CALM3: variants seen among roughly 807,000 people sequenced by gnomAD.
The protein encoded by CALM3 is calmodulin-3.
A neutral mutation model predicts 20.1 loss-of-function variants in CALM3; 5 were observed. That is an observed-to-expected ratio of 0.25 (90% CI 0.13 to 0.52). The LOEUF (loss-of-function observed/expected upper bound fraction) is 0.52, where lower values mean the gene tolerates loss of function less well. CALM3 is among the 20% of genes least tolerant of loss of function. CALM3 has a pLI of 0.96. For synonymous variants in CALM3, 69 were observed against 68.1 expected, an observed-to-expected ratio of 1.01 and a Z score of -0.06; for missense variants, 57 against 192.8, an observed-to-expected ratio of 0.30 and a Z score of 4.17.
At chr19:46,607,162 G>A (rs1349939413) in intron 2 of CALM3, among the ~76,000 whole-genome samples, 1 of 152,066 alleles carries the variant, frequency 6.6e-6, no homozygotes, top group African/African-American at 2.4e-5. Context: ...AGAACAACAA[G>A]GCCTCAGCAC....
chr19:46,601,411 GCTCCGGACACCCCGGGC>G lies in CALM3; in HGVS notation c.-20_-4del. ...CCGCCGGAGGAACCTTGATCCCCGTGCTCCGGACACCCCGGGCCTCGCCATGGTGAGTGAGGCTGGGG... is the reference window on the plus strand; with the variant it reads ...CCGCCGGAGGAACCTTGATCCCCGTGCTCGCCATGGTGAGTGAGGCTGGGG... On this transcript the variant is annotated 5_prime_UTR_variant, in exon 1 of 6. Coordinates refer to ENST00000291295, the MANE Select transcript of CALM3 (RefSeq NM_005184.4). This position sits in a 1 kb window ranked among gnomAD's most constrained non-coding sequence, Gnocchi z 4.2. The G allele has an allele frequency of 6.0e-6, 9 of 1,508,894 alleles. No individual in the cohort carries two copies. Among genetic ancestry groups the G allele is most frequent in the Non-Finnish European group, 8.0e-6 (9 of 1,131,364 alleles). 93.5% of individuals were successfully genotyped at this position (1,508,894 alleles called of 1,614,324 possible).
chr19:46,603,753 G>A (rs768636082), intron 1 of CALM3, among the ~76,000 whole-genome samples: 1 of 152,200 alleles, frequency 6.6e-6, no homozygotes, highest in Non-Finnish European at 1.5e-5. Context: ...CCTTGACCAA[G>A]CAGGGAAGTG....
intron 1 of CALM3, chr19:46,602,190 T>C (rs779856674): frequency 3.7e-6 from 5 of 1,354,366 alleles, no homozygotes; most frequent in African/African-American, 1.5e-5. Context: ...ATCAGGGTCG[T>C]GGAGGTGGTG....
intron 1 of CALM3, among the ~76,000 whole-genome samples, chr19:46,603,010 C>G (rs969852838): frequency 2.0e-5 from 3 of 152,208 alleles, no homozygotes; most frequent in Non-Finnish European, 4.4e-5. Context: ...ATTCAGGGCC[C>G]TCGCTGAGCG....
Position 46,601,439 on chromosome 19 carries a change from T to C in CALM3, c.3+2T>C. On this transcript the variant is annotated splice_donor_variant, in intron 1 of 5. Transcript: ENST00000291295. LOFTEE classifies it high-confidence loss of function. The surrounding 1 kb of genome is among the most constrained non-coding windows in gnomAD (Gnocchi z 4.2). ...CCGGACACCCCGGGCCTCGCCATGG[T>C]GAGTGAGGCTGGGGGGTCGCCGAGG... 6.7e-7 allele frequency: 1 copy of C among 1,499,474 alleles called. No homozygotes were observed. The highest frequency in any genetic ancestry group is 8.9e-7 in the Non-Finnish European group (1 of 1,125,156). 92.9% of individuals were successfully genotyped at this position (1,499,474 alleles called of 1,614,324 possible).
intron 1 of CALM3, among the ~76,000 whole-genome samples, chr19:46,603,530 C>A (rs1469917552): frequency 6.6e-6 from 1 of 152,204 alleles, no homozygotes; most frequent in African/African-American, 2.4e-5. Flanking sequence ...TTCCCTCCCC[C>A]ACCTCATGGT....
At chr19:46,606,115 G>T in intron 2 of CALM3, 1 of 445,054 alleles carries the variant, frequency 2.2e-6, no homozygotes, top group Non-Finnish European at 4.1e-6. Context: ...GGGTCATCTA[G>T]GGGCTTGATA....
At chr19:46,609,015 G>T in intron 5 of CALM3, 34 bp downstream of exon 5, 2 of 1,606,876 alleles carry the variant, frequency 1.2e-6, no homozygotes, top group Non-Finnish European at 1.7e-6. Flanking sequence ...TCTGGAACAA[G>T]AAGAGAATCG....
chr19:46,604,177 A>G (rs567512757), intron 1 of CALM3, among the ~76,000 whole-genome samples: 4 of 152,216 alleles, frequency 2.6e-5, no homozygotes, highest in Admixed American at 1.3e-4. Flanking sequence ...CTCGGTAACC[A>G]GAAGCCCATC....
chr19:46,602,406 TGG>T (rs887810667), intron 1 of CALM3, among the ~76,000 whole-genome samples: 2 of 129,790 alleles, frequency 1.5e-5, no homozygotes, highest in African/African-American at 2.9e-5. Context: ...GGGGAGGACT[TGG>T]GCTTGGGTGG....
At chr19:46,604,188 C>G (rs1433447764) in intron 1 of CALM3, among the ~76,000 whole-genome samples, 1 of 152,186 alleles carries the variant, frequency 6.6e-6, no homozygotes, top group East Asian at 1.9e-4. Flanking sequence ...GAAGCCCATC[C>G]TCCCTTCTCA....
chr19:46,603,395 T>C (rs1971675632), intron 1 of CALM3, among the ~76,000 whole-genome samples: 1 of 152,248 alleles, frequency 6.6e-6, no homozygotes, highest in South Asian at 2.1e-4. Flanking sequence ...CCTTGGACTT[T>C]GGCCTGAGCT....
At position 46,605,521 on chromosome 19, in the gene CALM3, C is replaced by A. The variant is rs898459056; in HGVS notation, c.4-306C>A. 3.9e-5 allele frequency among the ~76,000 whole-genome samples: 6 copies of A among 152,254 alleles called. No individual in the cohort carries two copies. The highest frequency in any genetic ancestry group is 1.4e-4 in the African/African-American group (6 of 41,474). On this transcript the variant is annotated intron_variant, in intron 1 of 5. Coordinates refer to ENST00000291295, the MANE Select transcript of CALM3 (RefSeq NM_005184.4). The surrounding 1 kb of genome is among the most constrained non-coding windows in gnomAD (Gnocchi z 4.1). The stretch of plus-strand genomic sequence containing the variant: ...TTTGGGGCTGGGGCAGGCTTTTCTC[C>A]CGCCCCTGTGGCTCCCACATGCTGA...
rs907676088 is a variant in CALM3, at chr19:46,605,668, G to C, written c.4-159G>C. 6.6e-6 allele frequency among the ~76,000 whole-genome samples: 1 copy of C among 152,232 alleles called. No homozygotes were observed. The highest frequency in any genetic ancestry group is 2.4e-5 in the African/African-American group (1 of 41,458). On this transcript the variant is annotated intron_variant, in intron 1 of 5. Transcript: ENST00000291295. This position sits in a 1 kb window ranked among gnomAD's most constrained non-coding sequence, Gnocchi z 4.1. ...TCACCAGACTTTATCATCAGGCGCT[G>C]GCTCTGCCTCAGACCCTGACTCTGG...
At chr19:46,607,177 A>C (rs554397910) in intron 2 of CALM3, among the ~76,000 whole-genome samples, 13 of 152,170 alleles carry the variant, frequency 8.5e-5, no homozygotes, top group East Asian at 3.9e-4. Context: ...CAGCACAGGG[A>C]GGTGCCAGCC....
Position 46,605,994 on chromosome 19 carries a change from A to G in CALM3, c.34+137A>G. 4.0e-6 allele frequency: 3 copies of G among 742,442 alleles called. No individual in the cohort carries two copies. The highest frequency in any genetic ancestry group is 7.0e-6 in the Non-Finnish European group (3 of 428,852). 46.0% of individuals were successfully genotyped at this position (742,442 alleles called of 1,614,324 possible). ...ACCTAACACTATGCCTTGTGCCTAGAATGCTGATAAATGTGTGTAAGAGCA... is the reference window on the plus strand; with the variant it reads ...ACCTAACACTATGCCTTGTGCCTAGGATGCTGATAAATGTGTGTAAGAGCA... On this transcript the variant is annotated intron_variant, in intron 2 of 5. Transcript: ENST00000291295. The surrounding 1 kb of genome is among the most constrained non-coding windows in gnomAD (Gnocchi z 4.1).
chr19:46,608,249 C>A lies in CALM3; in HGVS notation c.87C>A (p.Thr29=), dbSNP rs1354718716. The change falls in exon 3 of 6, where the codon ACC becomes ACA. Residue 29 remains threonine, a synonymous_variant. Coordinates refer to ENST00000291295, the MANE Select transcript of CALM3 (RefSeq NM_005184.4). The surrounding 1 kb of genome is among the most constrained non-coding windows in gnomAD (Gnocchi z 5.5). Reference sequence around the variant, plus strand: ...ACAAGGATGGAGATGGCACTATCACCACCAAGGAGTTGGGGACAGTGATGA... The same window carrying A: ...ACAAGGATGGAGATGGCACTATCACAACCAAGGAGTTGGGGACAGTGATGA... ...LFDKDGDGTI[T]TKELGTVMRS... is the part of the protein sequence containing the mutation. The A allele has an allele frequency of 6.2e-7, 1 of 1,613,998 alleles. No individual in the cohort carries two copies. The highest frequency in any genetic ancestry group is 1.7e-5 in the Admixed American group (1 of 60,000).
intron 1 of CALM3, among the ~76,000 whole-genome samples, chr19:46,604,164 G>C (rs1413103262): frequency 6.6e-6 from 1 of 152,110 alleles, no homozygotes; most frequent in Non-Finnish European, 1.5e-5. Flanking sequence ...GGCATTGCCT[G>C]GTCTCGGTAA....
In CALM3 at chr19:46,605,091, TGCTGCTGCCC is replaced by T. The variant is rs1466342204; in HGVS notation, c.4-730_4-721del. 2 of 152,392 alleles carry T rather than the reference TGCTGCTGCCC, an allele frequency of 1.3e-5. No individual in the cohort carries two copies. Among genetic ancestry groups the T allele is most frequent in the Non-Finnish European group, 1.5e-5 (1 of 68,156 alleles). The allele number at this position is 152,392 out of a possible 1,614,324, so 9.4% of individuals were successfully genotyped here. On this transcript the variant is annotated intron_variant, in intron 1 of 5. Coordinates refer to ENST00000291295, the MANE Select transcript of CALM3 (RefSeq NM_005184.4). The surrounding 1 kb of genome is among the most constrained non-coding windows in gnomAD (Gnocchi z 4.1). The stretch of plus-strand genomic sequence containing the variant: ...GCAGTGCAAGCCAGCTTCAGTCCTC[TGCTGCTGCCC>T]GCTGCAGCCCTCTCCCTGACGTTTG...
Sources: allele counts gnomAD v4.1 joint callset (sites outside exome capture counted in the v4.1 genomes callset), GRCh38; gene constraint gnomAD v4.1.1; non-coding constraint Gnocchi (gnomAD v3.1); transcripts MANE v1.5; gene names NCBI Gene and HGNC (gene_info 2026-07-23, HGNC 2026-07-21).